Variants in SDK1 observed in about 807,000 individuals in gnomAD.
The protein encoded by SDK1 is protein sidekick-1.
In SDK1, 157 loss-of-function variants were observed where a neutral mutation model predicts 245.5. The observed-to-expected ratio is 0.64, with a 90% CI of 0.56 to 0.73. The LOEUF is 0.73. Ranked by LOEUF, SDK1 falls within the 30% of genes least tolerant of loss-of-function variation. The pLI, the probability that SDK1 is intolerant of heterozygous loss-of-function variation, is 0.00. For synonymous variants in SDK1, 1,647 were observed against 1,278.5 expected (o/e 1.29, Z -6.15); for missense variants, 3,583 against 3,002.3 (o/e 1.19, Z -4.52).
chr7:3,886,815 C>G (rs550821018), intron 5 of SDK1, among the ~76,000 whole-genome samples: 3 of 152,242 alleles, frequency 2.0e-5, no homozygotes, highest in African/African-American at 7.2e-5. Context: ...ACTTGGGAGG[C>G]TAAGGCAAGA....
chr7:3,777,229 C>T (rs73032377), intron 4 of SDK1, among the ~76,000 whole-genome samples: 8 of 152,298 alleles, frequency 5.3e-5, no homozygotes, highest in Admixed American at 3.3e-4. Context: ...GTGCAGAACG[C>T]GAGTTTGATC....
intron 1 of SDK1, among the ~76,000 whole-genome samples, chr7:3,424,004 C>T (rs190944943): frequency 4.6e-5 from 7 of 151,998 alleles, no homozygotes; most frequent in African/African-American, 1.4e-4. Flanking sequence ...CTCCGCCTTC[C>T]AGGTTCAAGC....
At chr7:3,833,941 A>G (rs921446042) in intron 5 of SDK1, among the ~76,000 whole-genome samples, 1 of 152,106 alleles carries the variant, frequency 6.6e-6, no homozygotes, top group Non-Finnish European at 1.5e-5. Flanking sequence ...TGTTGCCCCC[A>G]CTGGCCTCCA....
chr7:4,122,286 A>G (rs769972716), intron 25 of SDK1, among the ~76,000 whole-genome samples: 1 of 152,180 alleles, frequency 6.6e-6, no homozygotes, highest in Non-Finnish European at 1.5e-5. Flanking sequence ...TACTCTCCCC[A>G]GCAGAAAACT....
intron 38 of SDK1, among the ~76,000 whole-genome samples, chr7:4,213,549 C>T (rs1329654716): frequency 1.3e-5 from 2 of 151,836 alleles, no homozygotes; most frequent in African/African-American, 4.8e-5. Context: ...CGCACCACTG[C>T]ACTCCAGCCT....
intron 4 of SDK1, among the ~76,000 whole-genome samples, chr7:3,807,086 A>G (rs777022080): frequency 9.2e-5 from 14 of 152,174 alleles, no homozygotes; most frequent in Non-Finnish European, 1.8e-4. Flanking sequence ...AAAGGAATTT[A>G]TAAAGCCTTA....
chr7:3,651,593 G>C (rs1312881289), intron 4 of SDK1, among the ~76,000 whole-genome samples: 1 of 152,148 alleles, frequency 6.6e-6, no homozygotes, highest in Non-Finnish European at 1.5e-5. Flanking sequence ...ACGTCCGATG[G>C]AGAAAATGGG....
chr7:3,651,831 T>C (rs777127710), intron 4 of SDK1, among the ~76,000 whole-genome samples: 2 of 152,122 alleles, frequency 1.3e-5, no homozygotes, highest in Non-Finnish European at 2.9e-5. Context: ...CTGAGAGCAG[T>C]AATAGAGAAC....
intron 35 of SDK1, among the ~76,000 whole-genome samples, chr7:4,200,415 C>A (rs192157724): frequency 1.3e-5 from 2 of 152,260 alleles, no homozygotes; most frequent in Admixed American, 1.3e-4. Flanking sequence ...AAACAACACA[C>A]ATCTCCTACC....
At chr7:3,446,513 G>A (rs1780346063) in intron 1 of SDK1, among the ~76,000 whole-genome samples, 1 of 152,098 alleles carries the variant, frequency 6.6e-6, no homozygotes, top group African/African-American at 2.4e-5. Flanking sequence ...ATCTTAAAAA[G>A]ACACTGTGTA....
chr7:3,911,742 G>T (rs560072259), intron 5 of SDK1, among the ~76,000 whole-genome samples: 40 of 152,332 alleles, frequency 2.6e-4, no homozygotes, highest in Middle Eastern at 3.4e-3. Context: ...TTAGGTGTTG[G>T]AGGAGGGAGG....
chr7:3,698,425 T>A (rs988416593), intron 4 of SDK1, among the ~76,000 whole-genome samples: 1 of 152,076 alleles, frequency 6.6e-6, no homozygotes, highest in Non-Finnish European at 1.5e-5. Flanking sequence ...TCCCTTGTCC[T>A]CCCCACTGGG....
rs576823412 is a variant in SDK1, at chr7:3,864,746, C to G, written c.847+43163C>G. Among the ~76,000 whole-genome samples, 59 of 152,234 alleles carry G rather than the reference C, an allele frequency of 3.9e-4. 1 individual carries two copies. Among genetic ancestry groups the G allele is most frequent in the African/African-American group, 1.4e-3 (59 of 41,550 alleles). ...AGGAAGGAGCCCCAGGGAATACACCCTGTTTATTGCTCCCAAATTCACCAA... is the reference window on the plus strand; with the variant it reads ...AGGAAGGAGCCCCAGGGAATACACCGTGTTTATTGCTCCCAAATTCACCAA... On this transcript the variant is annotated intron_variant, in intron 5 of 44. Transcript: ENST00000404826.
Position 3,963,931 on chromosome 7 carries a change from G to C in SDK1, c.1429+1080G>C, listed in dbSNP as rs544953787. Among the ~76,000 whole-genome samples the C allele has an allele frequency of 6.6e-5, 10 of 152,026 alleles. No homozygotes were observed. The South Asian group carries it at 1.0e-3, about 16-fold the overall frequency. ...CAGCTACCTGACCTGGACGTATCCA[G>C]TGAGCACACCCAGGCCGACGGCTAC... is the stretch of plus-strand genomic sequence containing the variant. On this transcript the variant is annotated intron_variant, in intron 9 of 44. Coordinates refer to ENST00000404826, the MANE Select transcript of SDK1 (RefSeq NM_152744.4).
At chr7:4,102,253 C>T (rs1782603964) in intron 22 of SDK1, among the ~76,000 whole-genome samples, 1 of 152,184 alleles carries the variant, frequency 6.6e-6, no homozygotes, top group African/African-American at 2.4e-5. Flanking sequence ...CTGTCCCTCC[C>T]TCTGCAGGGG....
intron 4 of SDK1, among the ~76,000 whole-genome samples, chr7:3,808,143 G>A (rs1297356998): frequency 1.3e-5 from 2 of 152,196 alleles, no homozygotes; most frequent in African/African-American, 4.8e-5. Flanking sequence ...GGATGACCGT[G>A]AGGGCTAGGT....
chr7:3,323,779 G>T (rs1248792826), intron 1 of SDK1, among the ~76,000 whole-genome samples: 2 of 152,220 alleles, frequency 1.3e-5, no homozygotes. Flanking sequence ...CATTGTCACA[G>T]AAGTGAGATC....
At chr7:3,397,565 G>A (rs1778753603) in intron 1 of SDK1, among the ~76,000 whole-genome samples, 1 of 151,266 alleles carries the variant, frequency 6.6e-6, no homozygotes. Context: ...TAATCTTATA[G>A]AGGATTCCCT....
At chr7:3,406,515 C>T (rs577020003) in intron 1 of SDK1, among the ~76,000 whole-genome samples, 2 of 152,328 alleles carry the variant, frequency 1.3e-5, no homozygotes, top group East Asian at 1.9e-4. Context: ...TTCTCTCTCT[C>T]TCCAACTGTG....
Sources: allele counts gnomAD v4.1 joint callset (sites outside exome capture counted in the v4.1 genomes callset), GRCh38; gene constraint gnomAD v4.1.1; transcripts MANE v1.5; gene names NCBI Gene and HGNC (gene_info 2026-07-23, HGNC 2026-07-21).